PSMF1: variants seen among roughly 807,000 people sequenced by gnomAD.
The protein encoded by PSMF1 is proteasome inhibitor PI31 subunit.
Under a neutral mutation model 29.3 loss-of-function variants are expected in PSMF1, and 30 were observed. That is an observed-to-expected ratio of 1.02 (90% CI 0.77 to 1.39). The LOEUF (loss-of-function observed/expected upper bound fraction) is 1.39. Among genes scored for constraint, PSMF1 ranks in the 40% most tolerant of loss-of-function variants. PSMF1 has a pLI of 0.00. For missense variants in PSMF1, 344 were observed against 357.5 expected (o/e 0.96, Z 0.31); for synonymous variants, 134 against 139.7 (o/e 0.96, Z 0.29).
At position 1,164,534 on chromosome 20, in the gene PSMF1, T is replaced by A. The variant is rs369206049; in HGVS notation, c.764+58T>A. ...GACCTGATGGCAGCTTGGTTCAGTG[T>A]GGCAGCAATGAAGGTTTCTAGCCCC... On this transcript the variant is annotated intron_variant, in intron 6 of 6. Transcript: ENST00000335877. This position sits in a 1 kb window ranked among gnomAD's most constrained non-coding sequence, Gnocchi z 4.1. The A allele has an allele frequency of 6.3e-7, 1 of 1,594,352 alleles. No homozygotes were observed. The highest frequency in any genetic ancestry group is 1.3e-5 in the African/African-American group (1 of 74,462).
At chr20:1,131,721 T>G (rs537572872) in intron 3 of PSMF1, among the ~76,000 whole-genome samples, 242 of 152,340 alleles carry the variant, frequency 1.6e-3, no homozygotes, top group Non-Finnish European at 2.9e-3. Context: ...AATATAAACC[T>G]ATTGTGTTCC....
chr20:1,151,092 T>A (rs2122568781), intron 4 of PSMF1, among the ~76,000 whole-genome samples: 1 of 152,358 alleles, frequency 6.6e-6, no homozygotes, highest in Admixed American at 6.5e-5. Flanking sequence ...TTAAAATTTG[T>A]TTTCATTCCT....
chr20:1,121,420 T>G (rs2086085997), intron 1 of PSMF1, among the ~76,000 whole-genome samples: 1 of 152,152 alleles, frequency 6.6e-6, no homozygotes, highest in Admixed American at 6.5e-5. Flanking sequence ...TGATTGCCAT[T>G]GGGGCTCAGG....
chr20:1,137,801 G>A (rs2086326499), intron 4 of PSMF1, among the ~76,000 whole-genome samples: 1 of 152,106 alleles, frequency 6.6e-6, no homozygotes, highest in African/African-American at 2.4e-5. Context: ...AGTTTTGTTA[G>A]GTGAAATAAT....
rs948547851 is a variant in PSMF1 at position 1,167,764 on chromosome 20, T to G, written c.*2684T>G. 1.3e-5 allele frequency: 2 copies of G among 152,234 alleles called. No individual in the cohort carries two copies. Among genetic ancestry groups the G allele is most frequent in the African/African-American group, 4.8e-5 (2 of 41,464 alleles). 9.4% of individuals were successfully genotyped at this position (152,234 alleles called of 1,614,324 possible). ...GGTTGTTTCTACAAAAAGGCTATTA[T>G]GAGTAATGCAGCCAAGAACATTTGT... On this transcript the variant is annotated 3_prime_UTR_variant, in exon 7 of 7. Coordinates refer to ENST00000335877, the MANE Select transcript of PSMF1 (RefSeq NM_006814.5).
rs574591629 is a variant in PSMF1, at chr20:1,136,469, T to C, written c.551+1163T>C. On this transcript the variant is annotated intron_variant, in intron 4 of 6. Coordinates refer to ENST00000335877, the MANE Select transcript of PSMF1 (RefSeq NM_006814.5). ...AGTAAATAGTAATTCTCAGCTTTATTAGACCCAATGCCCATTTCAAAACAA... is the reference window on the plus strand; with the variant it reads ...AGTAAATAGTAATTCTCAGCTTTATCAGACCCAATGCCCATTTCAAAACAA... Among the ~76,000 whole-genome samples the C allele has an allele frequency of 2.0e-5, 3 of 152,370 alleles. No homozygotes were observed. In the East Asian group the frequency reaches 5.8e-4, roughly 29 times the overall value.
Position 1,164,423 on chromosome 20 carries a change from G to A in PSMF1, c.711G>A (p.Val237=). Residue 237 remains valine, a synonymous_variant, in exon 6 of 7, where the codon GTG becomes GTA. Coordinates refer to ENST00000335877, the MANE Select transcript of PSMF1 (RefSeq NM_006814.5). The surrounding 1 kb of genome is among the most constrained non-coding windows in gnomAD (Gnocchi z 4.1). ...GLPNRLPPGA[V]PPGARFDPFG... is the part of the protein sequence containing the mutation. ...CGAACCGACTTCCTCCAGGCGCTGT[G>A]CCCCCAGGAGCTCGCTTTGACCCCT... is the stretch of plus-strand genomic sequence containing the variant. The A allele has an allele frequency of 6.2e-7, 1 of 1,614,124 alleles. No individual in the cohort carries two copies. The highest frequency in any genetic ancestry group is 8.5e-7 in the Non-Finnish European group (1 of 1,180,028).
intron 3 of PSMF1, among the ~76,000 whole-genome samples, chr20:1,133,727 C>T (rs1237060640): frequency 6.6e-6 from 1 of 150,656 alleles, no homozygotes; most frequent in Non-Finnish European, 1.5e-5. Flanking sequence ...TAGAATTCTT[C>T]CTGAAATCAT....
rs1053964860 is a variant in PSMF1 at position 1,167,069 on chromosome 20, C to T, written c.*1989C>T. 2 of 152,136 alleles carry T rather than the reference C, an allele frequency of 1.3e-5. No individual in the cohort carries two copies. The highest frequency in any genetic ancestry group is 2.9e-5 in the Non-Finnish European group (2 of 68,016). The allele number at this position is 152,136 out of a possible 1,614,324, so 9.4% of individuals were successfully genotyped here. ...AATTGTGATTCACCTTCAGAATTGG[C>T]CATTTTTTTTGTGAGTTTCCTTGCA... On this transcript the variant is annotated 3_prime_UTR_variant, in exon 7 of 7. Coordinates refer to ENST00000335877, the MANE Select transcript of PSMF1 (RefSeq NM_006814.5).
intron 4 of PSMF1, among the ~76,000 whole-genome samples, chr20:1,158,865 A>C (rs1568481981): frequency 6.6e-6 from 1 of 151,766 alleles, no homozygotes; most frequent in Non-Finnish European, 1.5e-5. Context: ...GAAGGACGGA[A>C]CCCCCTCCCT....
At chr20:1,127,246 TC>T (rs1227828075) in intron 2 of PSMF1, 179 bp from the exon 3 acceptor site, 2 of 762,212 alleles carry the variant, frequency 2.6e-6, no homozygotes, top group Non-Finnish European at 4.8e-6. Flanking sequence ...AAGGCAATAT[TC>T]CTAAATCAGA....
At chr20:1,114,315 G>A (rs1010531936), upstream of PSMF1, among the ~76,000 whole-genome samples, 1 of 152,070 alleles carries the variant, frequency 6.6e-6, no homozygotes, top group Non-Finnish European at 1.5e-5. Context: ...TTTCCTTCCT[G>A]TCTCACTTCC....
At chr20:1,138,834 CAAAA>C (rs71191994) in intron 4 of PSMF1, among the ~76,000 whole-genome samples, 2 of 148,862 alleles carry the variant, frequency 1.3e-5, no homozygotes, top group Admixed American at 6.7e-5. Flanking sequence ...CAAAAACAAA[CAAAA>C]AAAAACAAAA....
At chr20:1,142,578 T>C (rs1600157748) in intron 4 of PSMF1, among the ~76,000 whole-genome samples, 1 of 152,374 alleles carries the variant, frequency 6.6e-6, no homozygotes, top group East Asian at 1.9e-4. Context: ...GCTTCATCCA[T>C]GTCCCTACAA....
chr20:1,117,125 G>A (rs2086019030), upstream of PSMF1, among the ~76,000 whole-genome samples: 1 of 152,148 alleles, frequency 6.6e-6, no homozygotes. Context: ...ACCAGATGTA[G>A]ATGTGAGAGA....
At chr20:1,161,035 G>A in intron 4 of PSMF1, 1 of 402,436 alleles carries the variant, frequency 2.5e-6, no homozygotes, top group Non-Finnish European at 4.7e-6. Flanking sequence ...GCATTGTCAT[G>A]GATTCTGGAG....
chr20:1,128,976 C>T (rs960658866), intron 3 of PSMF1, among the ~76,000 whole-genome samples: 4 of 151,862 alleles, frequency 2.6e-5, no homozygotes, highest in African/African-American at 4.8e-5. Flanking sequence ...CCCGGGTTCA[C>T]GCCATTCTCC....
chr20:1,142,855 C>T (rs2086401180), intron 4 of PSMF1, among the ~76,000 whole-genome samples: 1 of 152,210 alleles, frequency 6.6e-6, no homozygotes, highest in African/African-American at 2.4e-5. Context: ...CACTGACTTC[C>T]ACAATGGTTG....
intron 3 of PSMF1, among the ~76,000 whole-genome samples, chr20:1,130,073 A>T (rs2086208906): frequency 6.6e-6 from 1 of 152,220 alleles, no homozygotes; most frequent in South Asian, 2.1e-4. Flanking sequence ...AGCCATTCAC[A>T]AAAGGACAAA....
Sources: allele counts gnomAD v4.1 joint callset (sites outside exome capture counted in the v4.1 genomes callset), GRCh38; gene constraint gnomAD v4.1.1; non-coding constraint Gnocchi (gnomAD v3.1); transcripts MANE v1.5; gene names NCBI Gene and HGNC (gene_info 2026-07-23, HGNC 2026-07-21).